Variants in ZNF423 observed in about 807,000 individuals in gnomAD.
The protein encoded by ZNF423 is Ebf-associated zinc finger protein.
In ZNF423, 12 loss-of-function variants were observed where a neutral mutation model predicts 95.8. The observed-to-expected ratio is 0.13, with a 90% confidence interval of 0.08 to 0.20. The LOEUF is 0.20. ZNF423 is among the 10% of genes least tolerant of loss of function. The pLI is 1.00. For synonymous variants in ZNF423, 749 were observed against 711.9 expected, an observed-to-expected ratio of 1.05 and a Z score of -0.83; for missense variants, 1,316 against 1,737.1, an observed-to-expected ratio of 0.76 and a Z score of 4.31.
At chr16:49,812,990 T>C (rs1391797770) in intron 1 of ZNF423, among the ~76,000 whole-genome samples, 1 of 152,090 alleles carries the variant, frequency 6.6e-6, no homozygotes, top group African/African-American at 2.4e-5. Context: ...TGTGTGTGTG[T>C]TCTACTTAAA....
chr16:49,687,544 C>A (rs1269727410), intron 3 of ZNF423, among the ~76,000 whole-genome samples: 4 of 152,152 alleles, frequency 2.6e-5, no homozygotes, highest in Non-Finnish European at 5.9e-5. Context: ...ACTCTAGAAT[C>A]AAAGATCTTC....
intron 1 of ZNF423, among the ~76,000 whole-genome samples, chr16:49,792,104 T>A (rs1198553287): frequency 6.6e-6 from 1 of 152,026 alleles, no homozygotes; most frequent in Non-Finnish European, 1.5e-5. Flanking sequence ...AGTTTCTTTT[T>A]GATTTTTTTT....
intron 3 of ZNF423, among the ~76,000 whole-genome samples, chr16:49,644,489 T>TG (rs1973097006): frequency 7.0e-6 from 1 of 142,154 alleles, no homozygotes; most frequent in African/African-American, 2.6e-5. Flanking sequence ...ACCCTGTCTC[T>TG]TAAAAAAAAA....
chr16:49,806,991 CACTCCAGCCTGGAGGACAGAGCAAG>C (rs1436888193), intron 1 of ZNF423, among the ~76,000 whole-genome samples: 6 of 148,754 alleles, frequency 4.0e-5, no homozygotes, highest in African/African-American at 1.2e-4. Flanking sequence ...CGTGCCATTG[CACTCCAGCCTGGAGGACAGAGCAAG>C]ACTCTGACTC....
At chr16:49,577,527 G>A (rs1970536791) in intron 5 of ZNF423, among the ~76,000 whole-genome samples, 1 of 152,018 alleles carries the variant, frequency 6.6e-6, no homozygotes, top group African/African-American at 2.4e-5. Context: ...GAAAAGGAGG[G>A]CTGGGACATC....
intron 2 of ZNF423, among the ~76,000 whole-genome samples, chr16:49,784,091 A>C (rs558108403): frequency 1.3e-5 from 2 of 152,314 alleles, no homozygotes; most frequent in South Asian, 4.1e-4. Flanking sequence ...AAGGACCTGG[A>C]AAAAGTGGAA....
chr16:49,730,588 G>A (rs2033139187), intron 3 of ZNF423, 183 bp downstream of exon 3: 1 of 673,198 alleles, frequency 1.5e-6, no homozygotes, highest in Non-Finnish European at 2.5e-6. Context: ...CCGGAAAGCT[G>A]TTGCTTTTAT....
chr16:49,555,975 CAAG>C lies in ZNF423; in HGVS notation c.3602-30484_3602-30482del, dbSNP rs982363463. ...CAATGCCTCAGCACTGGAGCACACA[CAAG>C]AAGATGATCCACAAGGCTGCTCCCA... On this transcript the variant is annotated intron_variant, in intron 5 of 7. Transcript: ENST00000563137. Among the ~76,000 whole-genome samples the C allele has an allele frequency of 1.4e-3, 216 of 152,218 alleles. 2 individuals carry two copies. Among genetic ancestry groups the C allele is most frequent in the Non-Finnish European group, 6.0e-4 (41 of 68,012 alleles).
At chr16:49,713,373 T>C (rs145988304) in intron 3 of ZNF423, among the ~76,000 whole-genome samples, 2 of 152,312 alleles carry the variant, frequency 1.3e-5, no homozygotes, top group Non-Finnish European at 2.9e-5. Flanking sequence ...CACTGTCCCC[T>C]CTAGATCCGC....
chr16:49,637,371 G>A lies in ZNF423; in HGVS notation c.1805C>T (p.Ala602Val). 1.9e-6 allele frequency: 3 copies of A among 1,614,256 alleles called. No homozygotes were observed. The highest frequency in any genetic ancestry group is 2.5e-6 in the Non-Finnish European group (3 of 1,180,048). The change falls in exon 4 of 8, where the codon GCC (alanine) becomes GTC (valine). Residue 602 changes from alanine to valine, a missense_variant. Ala to Val is a moderately conservative substitution (Grantham distance 64, BLOSUM62 0). Coordinates refer to ENST00000563137, the MANE Select transcript of ZNF423 (RefSeq NM_001379286.1). The surrounding 1 kb of genome is among the most constrained non-coding windows in gnomAD (Gnocchi z 5.6). ...IKENHKNIPL[A>V]HSKKSKAEQS... Reference sequence around the variant, plus strand: ...CTCGGCCTTGGACTTCTTGCTGTGGGCCAGTGGAATGTTCTTGTGGTTCTC... The same window carrying A: ...CTCGGCCTTGGACTTCTTGCTGTGGACCAGTGGAATGTTCTTGTGGTTCTC...
chr16:49,809,257 A>G (rs2034713372), intron 1 of ZNF423, among the ~76,000 whole-genome samples: 1 of 152,228 alleles, frequency 6.6e-6, no homozygotes, highest in African/African-American at 2.4e-5. Context: ...CACACAGAGA[A>G]GCTCTCCCAC....
chr16:49,534,246 TTG>T (rs1406229277), intron 5 of ZNF423, among the ~76,000 whole-genome samples: 1 of 8,756 alleles, frequency 1.1e-4, no homozygotes, highest in African/African-American at 5.0e-4. Flanking sequence ...TTCTTTTTTT[TTG>T]TTTTTTTTTT....
At chr16:49,548,713 G>C (rs991918173) in intron 5 of ZNF423, among the ~76,000 whole-genome samples, 2 of 152,154 alleles carry the variant, frequency 1.3e-5, no homozygotes, top group African/African-American at 4.8e-5. Flanking sequence ...CCCTGACATC[G>C]AACCAATGAC....
intron 3 of ZNF423, among the ~76,000 whole-genome samples, chr16:49,723,651 A>G (rs564056844): frequency 2.3e-4 from 35 of 152,320 alleles, no homozygotes; most frequent in Admixed American, 7.8e-4. Context: ...TATTGAATTA[A>G]AATATTTAAA....
intron 5 of ZNF423, among the ~76,000 whole-genome samples, chr16:49,613,495 C>G (rs997043964): frequency 3.9e-5 from 6 of 152,192 alleles, no homozygotes; most frequent in Non-Finnish European, 8.8e-5. Flanking sequence ...GAGTTCAACA[C>G]CAGATGGGCA....
rs970869826 is a variant in ZNF423, at chr16:49,723,260, T to C, written c.301+7511A>G. Among the ~76,000 whole-genome samples the C allele has an allele frequency of 4.6e-5, 7 of 152,210 alleles. 1 individual carries two copies. In the East Asian group the frequency reaches 1.3e-3, roughly 29 times the overall value. ...TTAGGATCCCACTAGTATTTCTTTC[T>C]CTGGTTCCATTTCTGTCCATTTCTG... On this transcript the variant is annotated intron_variant, in intron 3 of 7. Coordinates refer to ENST00000563137, the MANE Select transcript of ZNF423 (RefSeq NM_001379286.1).
intron 1 of ZNF423, among the ~76,000 whole-genome samples, chr16:49,809,932 C>T (rs1402133864): frequency 6.6e-6 from 1 of 151,440 alleles, no homozygotes; most frequent in Non-Finnish European, 1.5e-5. Context: ...CCCCAGCCTG[C>T]GCCCACCCAT....
At chr16:49,499,741 A>G (rs917707548) in intron 7 of ZNF423, among the ~76,000 whole-genome samples, 1 of 152,188 alleles carries the variant, frequency 6.6e-6, no homozygotes, top group Admixed American at 6.5e-5. Context: ...CTTCCCTCGC[A>G]TGAAAACGTG....
chr16:49,501,470 A>G (rs1291075805), intron 7 of ZNF423, among the ~76,000 whole-genome samples: 1 of 152,016 alleles, frequency 6.6e-6, no homozygotes, highest in Non-Finnish European at 1.5e-5. Context: ...CAGTTTGGAG[A>G]TTTTTCAAAG....
Sources: gnomAD v4.1 joint callset for allele counts (sites outside exome capture counted in the v4.1 genomes callset) on GRCh38, gnomAD v4.1.1 for gene constraint, Gnocchi (gnomAD v3.1) non-coding constraint, MANE v1.5 for transcripts, NCBI Gene and HGNC (gene_info 2026-07-23, HGNC 2026-07-21) for gene names.